Variants in CGGBP1 observed in about 807,000 individuals in gnomAD.
CGGBP1 encodes the protein CGG triplet repeat-binding protein 1.
Under a neutral mutation model 11.4 loss-of-function variants are expected in CGGBP1, and 4 were observed. The observed-to-expected ratio is 0.35, with a 90% CI of 0.17 to 0.80. CGGBP1 has a LOEUF of 0.80. CGGBP1 is among the 30% of genes least tolerant of loss of function. The probability of loss-of-function intolerance (pLI) is 0.52; values close to 1 mark genes in which losing one functional copy is unlikely to be tolerated. For missense variants in CGGBP1, 135 were observed against 202.1 expected (o/e 0.67, Z 2.01); for synonymous variants, 76 against 74.1 (o/e 1.03, Z -0.13).
At position 88,073,046 on chromosome 3, in the gene CGGBP1, C is replaced by G. The variant is rs187352239; in HGVS notation, c.-228-14823G>C. ...TGGACATTTTAAGTAGAGGAGATAACTTGTGAAAAGATGGATGGCATGGCA... is the reference window on the plus strand; with the variant it reads ...TGGACATTTTAAGTAGAGGAGATAAGTTGTGAAAAGATGGATGGCATGGCA... On this transcript the variant is annotated intron_variant, in intron 2 of 3. Transcript: ENST00000462901. Among the ~76,000 whole-genome samples the G allele has an allele frequency of 3.9e-5, 6 of 152,212 alleles. No homozygotes were observed. The East Asian group carries it at 1.2e-3, about 29-fold the overall frequency.
intron 2 of CGGBP1, chr3:88,086,125 ATCCC>A: frequency 1.5e-6 from 1 of 678,750 alleles, no homozygotes; most frequent in Non-Finnish European, 2.4e-6. Flanking sequence ...AGTATAGAAG[ATCCC>A]TCCCTCCAGT....
chr3:88,064,911 C>T (rs1409832572), intron 2 of CGGBP1, among the ~76,000 whole-genome samples: 1 of 152,184 alleles, frequency 6.6e-6, no homozygotes, highest in African/African-American at 2.4e-5. Context: ...GGATAATTTG[C>T]AGTCACTTAT....
intron 2 of CGGBP1, among the ~76,000 whole-genome samples, chr3:88,136,434 C>T (rs1379349609): frequency 6.6e-6 from 1 of 152,062 alleles, no homozygotes; most frequent in African/African-American, 2.4e-5. Flanking sequence ...CATTCAATTG[C>T]CTCAGTACTG....
chr3:88,106,012 A>AG (rs1411036775), intron 2 of CGGBP1, among the ~76,000 whole-genome samples: 2 of 152,154 alleles, frequency 1.3e-5, no homozygotes, highest in African/African-American at 4.8e-5. Context: ...TCCTCTCCAG[A>AG]GGATGTGGCA....
chr3:88,070,305 G>A (rs1441060079), intron 2 of CGGBP1, among the ~76,000 whole-genome samples: 1 of 151,930 alleles, frequency 6.6e-6, no homozygotes, highest in Non-Finnish European at 1.5e-5. Flanking sequence ...TAAAATAGGT[G>A]AATATCTTTT....
upstream of CGGBP1, chr3:88,059,094 A>G: frequency 1.2e-6 from 1 of 812,104 alleles, no homozygotes; most frequent in Non-Finnish European, 1.9e-6. Flanking sequence ...GATTTCACCA[A>G]TAGTAGTGGA....
chr3:88,139,587 G>A, intron 2 of CGGBP1: 1 of 1,613,736 alleles, frequency 6.2e-7, no homozygotes, highest in Non-Finnish European at 8.5e-7. Context: ...GGATTTGGAA[G>A]TGGAGACACT....
intron 2 of CGGBP1, among the ~76,000 whole-genome samples, chr3:88,131,716 T>C (rs1239454644): frequency 1.3e-5 from 2 of 152,164 alleles, no homozygotes; most frequent in Non-Finnish European, 2.9e-5. Flanking sequence ...TGTCCCTTCC[T>C]TCTAAATAGC....
chr3:88,055,243 TA>T lies in CGGBP1; in HGVS notation c.*229del. Reference sequence around the variant, plus strand: ...TTAAAGATAACCATCAGGTTTCAGGTATCCTAGCACACTCTAAACCTAGGTT... The same window carrying T: ...TTAAAGATAACCATCAGGTTTCAGGTTCCTAGCACACTCTAAACCTAGGTT... On this transcript the variant is annotated 3_prime_UTR_variant, in exon 4 of 4. Coordinates refer to ENST00000482016, the MANE Select transcript of CGGBP1 (RefSeq NM_001008390.2). The surrounding 1 kb of genome is among the most constrained non-coding windows in gnomAD (Gnocchi z 4.2). 1 of 374,670 alleles carries T rather than the reference TA, an allele frequency of 2.7e-6. No homozygotes were observed. 23.2% of individuals were successfully genotyped at this position (374,670 alleles called of 1,614,324 possible).
chr3:88,140,137 A>G (rs1367962313), intron 2 of CGGBP1: 1 of 1,613,912 alleles, frequency 6.2e-7, no homozygotes, highest in South Asian at 1.1e-5. Context: ...TTTAATTGCA[A>G]CGAGTCGTTT....
intron 2 of CGGBP1, among the ~76,000 whole-genome samples, chr3:88,113,840 A>G (rs1705237468): frequency 6.6e-6 from 1 of 152,078 alleles, no homozygotes. Flanking sequence ...TTTGTTAACC[A>G]TGGTGTTAAA....
chr3:88,124,650 T>C (rs1051792169), intron 2 of CGGBP1, among the ~76,000 whole-genome samples: 1 of 152,208 alleles, frequency 6.6e-6, no homozygotes, highest in African/African-American at 2.4e-5. Context: ...TCTGAAAATA[T>C]GTTTTTTTAA....
At chr3:88,092,744 A>G (rs1382656722) in intron 2 of CGGBP1, among the ~76,000 whole-genome samples, 2 of 152,218 alleles carry the variant, frequency 1.3e-5, no homozygotes, top group Non-Finnish European at 2.9e-5. Flanking sequence ...ACATTTACAA[A>G]TAAAATATGT....
At chr3:88,066,403 A>G (rs1031469063) in intron 2 of CGGBP1, among the ~76,000 whole-genome samples, 4 of 151,914 alleles carry the variant, frequency 2.6e-5, no homozygotes, top group African/African-American at 4.8e-5. Context: ...GTGAAACCCT[A>G]TCTCTACAAA....
intron 2 of CGGBP1, among the ~76,000 whole-genome samples, chr3:88,108,282 A>G: frequency 6.6e-6 from 1 of 152,132 alleles, no homozygotes; most frequent in East Asian, 1.9e-4. Flanking sequence ...GTGGGGAAGA[A>G]TATACTGGTG....
chr3:88,086,265 A>C, intron 2 of CGGBP1: 2 of 1,533,478 alleles, frequency 1.3e-6, no homozygotes, highest in East Asian at 2.4e-5. Flanking sequence ...AGGTGGTTGA[A>C]GATTATGCTG....
chr3:88,108,215 T>C (rs1182894760), intron 2 of CGGBP1, among the ~76,000 whole-genome samples: 1 of 152,092 alleles, frequency 6.6e-6, no homozygotes, highest in Non-Finnish European at 1.5e-5. Context: ...TTTTTTTTTT[T>C]CCTATTTCTA....
intron 2 of CGGBP1, among the ~76,000 whole-genome samples, chr3:88,099,404 A>G (rs2107710030): frequency 6.6e-6 from 1 of 152,226 alleles, no homozygotes; most frequent in East Asian, 1.9e-4. Context: ...ATACTGCCCA[A>G]GGTAATTTAT....
chr3:88,114,674 T>A (rs1705284139), intron 2 of CGGBP1, among the ~76,000 whole-genome samples: 1 of 152,164 alleles, frequency 6.6e-6, no homozygotes, highest in Non-Finnish European at 1.5e-5. Context: ...AACTCCTATC[T>A]TCTAGGATAG....
Sources: gnomAD v4.1 joint callset for allele counts (sites outside exome capture counted in the v4.1 genomes callset) on GRCh38, gnomAD v4.1.1 for gene constraint, Gnocchi (gnomAD v3.1) non-coding constraint, MANE v1.5 for transcripts, NCBI Gene and HGNC (gene_info 2026-07-23, HGNC 2026-07-21) for gene names.